NUBPL: variants seen among roughly 807,000 people sequenced by gnomAD.
NUBPL encodes the protein iron-sulfur cluster transfer protein NUBPL.
In NUBPL, 31 loss-of-function variants were observed where a neutral mutation model predicts 45.7. That is an observed-to-expected ratio of 0.68 (90% CI 0.51 to 0.92). The LOEUF is 0.92. Among genes scored for constraint, NUBPL ranks in the 40% least tolerant of loss-of-function variants. NUBPL has a pLI of 0.00. For missense variants in NUBPL, 401 were observed against 398.7 expected (o/e 1.01, Z -0.05); for synonymous variants, 144 against 140.9 (o/e 1.02, Z -0.15).
At chr14:31,848,361 C>G (rs2040485681) in intron 9 of NUBPL, among the ~76,000 whole-genome samples, 1 of 152,296 alleles carries the variant, frequency 6.6e-6, no homozygotes, top group African/African-American at 2.4e-5. Flanking sequence ...AAAGCTTTCA[C>G]AGCTCTGGCC....
chr14:31,607,000 C>T (rs2034618172), intron 4 of NUBPL, among the ~76,000 whole-genome samples: 1 of 152,092 alleles, frequency 6.6e-6, no homozygotes, highest in Non-Finnish European at 1.5e-5. Context: ...TTTAAAGGGG[C>T]AATCATTACA....
chr14:31,811,832 T>C (rs1308341773), intron 7 of NUBPL, among the ~76,000 whole-genome samples: 1 of 152,240 alleles, frequency 6.6e-6, no homozygotes, highest in Non-Finnish European at 1.5e-5. Context: ...TTGATGCTGA[T>C]GCTATTCCTT....
At chr14:31,637,250 A>G (rs904396355) in intron 4 of NUBPL, among the ~76,000 whole-genome samples, 6 of 152,156 alleles carry the variant, frequency 3.9e-5, no homozygotes, top group African/African-American at 1.4e-4. Context: ...CCCTCTACAT[A>G]CTGCTTTGAA....
At chr14:31,728,718 A>G (rs1470845613) in intron 6 of NUBPL, among the ~76,000 whole-genome samples, 3 of 152,218 alleles carry the variant, frequency 2.0e-5, no homozygotes, top group African/African-American at 4.8e-5. Flanking sequence ...TACTTTTACA[A>G]GTGACTAACT....
chr14:31,751,444 G>T (rs940935238), intron 6 of NUBPL, among the ~76,000 whole-genome samples: 2 of 152,258 alleles, frequency 1.3e-5, no homozygotes, highest in African/African-American at 4.8e-5. Context: ...AAACAATGGG[G>T]CCACAGGCCC....
At chr14:31,730,578 C>G (rs1182942906) in intron 6 of NUBPL, among the ~76,000 whole-genome samples, 6 of 151,928 alleles carry the variant, frequency 3.9e-5, no homozygotes, top group Admixed American at 3.9e-4. Context: ...ATTCTCCTGC[C>G]TCAGTCTCCC....
intron 4 of NUBPL, among the ~76,000 whole-genome samples, chr14:31,606,707 C>T (rs749033207): frequency 1.3e-4 from 19 of 151,448 alleles, no homozygotes; most frequent in Non-Finnish European, 2.4e-4. Flanking sequence ...ATTGTTGGCT[C>T]CTCTTTGGGG....
intron 4 of NUBPL, among the ~76,000 whole-genome samples, chr14:31,651,671 G>C (rs930038747): frequency 6.6e-6 from 1 of 152,106 alleles, no homozygotes; most frequent in Non-Finnish European, 1.5e-5. Flanking sequence ...GGCTGAGGCA[G>C]GTGGATCACA....
chr14:31,627,561 G>A (rs1479897110), intron 4 of NUBPL, among the ~76,000 whole-genome samples: 2 of 151,818 alleles, frequency 1.3e-5, no homozygotes, highest in Admixed American at 6.6e-5. Flanking sequence ...GGCGGATCAC[G>A]AGGTCAGGAG....
At chr14:31,608,539 G>T (rs534092258) in intron 4 of NUBPL, among the ~76,000 whole-genome samples, 1 of 152,176 alleles carries the variant, frequency 6.6e-6, no homozygotes, top group African/African-American at 2.4e-5. Flanking sequence ...GGGTGACAGA[G>T]TGAGACTGTC....
At chr14:31,578,018 A>G in intron 3 of NUBPL, 1 of 1,270,810 alleles carries the variant, frequency 7.9e-7, no homozygotes, top group Non-Finnish European at 1.0e-6. Flanking sequence ...TTATGAACTC[A>G]GTAAATGGTA....
chr14:31,763,604 A>G (rs541911974), intron 6 of NUBPL, among the ~76,000 whole-genome samples: 1 of 152,152 alleles, frequency 6.6e-6, no homozygotes, highest in Non-Finnish European at 1.5e-5. Flanking sequence ...ATCTGAATAT[A>G]TTTTTTGTTT....
At chr14:31,671,111 A>G in intron 4 of NUBPL, among the ~76,000 whole-genome samples, 1 of 152,074 alleles carries the variant, frequency 6.6e-6, no homozygotes, top group East Asian at 1.9e-4. Context: ...TGTGCATGGG[A>G]TGTTTCTCCA....
intron 3 of NUBPL, among the ~76,000 whole-genome samples, chr14:31,588,450 A>G (rs528062339): frequency 2.1e-4 from 32 of 151,912 alleles, no homozygotes; most frequent in Non-Finnish European, 3.5e-4. Flanking sequence ...TCTTTATTGT[A>G]TTTTAAAAAG....
intron 4 of NUBPL, among the ~76,000 whole-genome samples, chr14:31,602,637 C>T (rs562004566): frequency 6.6e-6 from 1 of 152,202 alleles, no homozygotes; most frequent in East Asian, 1.9e-4. Flanking sequence ...GTGCCTCAGA[C>T]CCCCATATGT....
chr14:31,665,157 A>G (rs1405395089), intron 4 of NUBPL, among the ~76,000 whole-genome samples: 1 of 151,734 alleles, frequency 6.6e-6, no homozygotes, highest in Admixed American at 6.6e-5. Context: ...CATTTTGTTA[A>G]TCTTTTCAAA....
intron 1 of NUBPL, 47 bp downstream of exon 1, chr14:31,561,594 G>T: frequency 8.2e-7 from 1 of 1,225,372 alleles, no homozygotes; most frequent in Non-Finnish European, 1.1e-6. Flanking sequence ...CAGATGCTGG[G>T]CTGCAGGGCC....
intron 6 of NUBPL, among the ~76,000 whole-genome samples, chr14:31,743,801 G>A (rs970440601): frequency 6.6e-6 from 1 of 152,116 alleles, no homozygotes; most frequent in African/African-American, 2.4e-5. Context: ...AACTAAAGGA[G>A]ATATTGTGTG....
At chr14:31,586,301 T>C (rs536917396) in intron 3 of NUBPL, among the ~76,000 whole-genome samples, 27 of 152,284 alleles carry the variant, frequency 1.8e-4, no homozygotes, top group Admixed American at 3.3e-4. Flanking sequence ...AGTTTGTGGG[T>C]ATAAATAGTA....
Sources: gnomAD v4.1 joint callset for allele counts (sites outside exome capture counted in the v4.1 genomes callset) on GRCh38, gnomAD v4.1.1 for gene constraint, MANE v1.5 for transcripts, NCBI Gene and HGNC (gene_info 2026-07-23, HGNC 2026-07-21) for gene names.